The following SCFD2 variants were observed in gnomAD, a reference collection of about 807,000 sequenced individuals.
SCFD2 encodes sec1 family domain-containing protein 2.
Under a neutral mutation model 58.9 loss-of-function variants are expected in SCFD2, and 54 were observed. The observed-to-expected ratio is 0.92, with a 90% CI of 0.74 to 1.15. SCFD2 has a LOEUF of 1.15. Among genes scored for constraint, SCFD2 ranks in the 50% most tolerant of loss-of-function variants. SCFD2 has a pLI of 0.00. For synonymous variants in SCFD2, 321 were observed against 335.9 expected, an observed-to-expected ratio of 0.96 and a Z score of 0.49; for missense variants, 805 against 836.6, an observed-to-expected ratio of 0.96 and a Z score of 0.47.
intron 5 of SCFD2, among the ~76,000 whole-genome samples, chr4:52,969,580 T>C (rs900486633): frequency 1.3e-5 from 2 of 152,164 alleles, no homozygotes; most frequent in African/African-American, 4.8e-5. Flanking sequence ...GCTGGGGTGA[T>C]GGGTGTTACT....
At chr4:53,024,931 A>G (rs757288605) in intron 5 of SCFD2, among the ~76,000 whole-genome samples, 124 of 152,266 alleles carry the variant, frequency 8.1e-4, no homozygotes, top group Non-Finnish European at 1.5e-3. Flanking sequence ...CTCCCCCTAG[A>G]ATATTAGCTT....
At chr4:52,897,784 C>G (rs1348644162) in intron 7 of SCFD2, among the ~76,000 whole-genome samples, 3 of 152,192 alleles carry the variant, frequency 2.0e-5, no homozygotes, top group Non-Finnish European at 2.9e-5. Context: ...CCATCTGGTC[C>G]TGGACTTTTT....
chr4:52,898,903 T>C (rs555594975), intron 7 of SCFD2, among the ~76,000 whole-genome samples: 2 of 152,226 alleles, frequency 1.3e-5, no homozygotes, highest in South Asian at 2.1e-4. Flanking sequence ...TTTACCACTA[T>C]GTAATGGCCT....
chr4:53,353,626 G>A (rs922629093), intron 1 of SCFD2, among the ~76,000 whole-genome samples: 1 of 152,176 alleles, frequency 6.6e-6, no homozygotes, highest in African/African-American at 2.4e-5. Flanking sequence ...GTGCTGATTG[G>A]TGCATTTACA....
At chr4:52,981,220 T>C (rs924124801) in intron 5 of SCFD2, among the ~76,000 whole-genome samples, 1 of 152,148 alleles carries the variant, frequency 6.6e-6, no homozygotes, top group Non-Finnish European at 1.5e-5. Flanking sequence ...TAATAAAGGA[T>C]GGTTAGAATG....
chr4:53,342,871 C>A (rs1042627808), intron 2 of SCFD2, among the ~76,000 whole-genome samples: 1 of 152,100 alleles, frequency 6.6e-6, no homozygotes, highest in Non-Finnish European at 1.5e-5. Flanking sequence ...GGGTACATAA[C>A]GAAATGAAGG....
intron 3 of SCFD2, among the ~76,000 whole-genome samples, chr4:53,290,062 A>C (rs1731790428): frequency 6.6e-6 from 1 of 152,200 alleles, no homozygotes; most frequent in African/African-American, 2.4e-5. Context: ...ACAATGGGTA[A>C]GTCAACCACA....
intron 4 of SCFD2, among the ~76,000 whole-genome samples, chr4:53,147,963 G>C (rs977393165): frequency 1.3e-5 from 2 of 152,156 alleles, no homozygotes; most frequent in East Asian, 1.9e-4. Flanking sequence ...TAATTTAAAA[G>C]AAAAGAGTCC....
chr4:53,149,582 C>T (rs1402805317), intron 4 of SCFD2, among the ~76,000 whole-genome samples: 1 of 152,058 alleles, frequency 6.6e-6, no homozygotes, highest in African/African-American at 2.4e-5. Flanking sequence ...TCTCCCTATC[C>T]CTTGAATATG....
At chr4:53,084,980 A>G (rs1724263379) in intron 5 of SCFD2, among the ~76,000 whole-genome samples, 2 of 152,232 alleles carry the variant, frequency 1.3e-5, no homozygotes, top group Admixed American at 1.3e-4. Flanking sequence ...CTGGAACACA[A>G]CAAGGATATC....
At chr4:53,316,963 C>T (rs1258866367) in intron 2 of SCFD2, among the ~76,000 whole-genome samples, 5 of 151,746 alleles carry the variant, frequency 3.3e-5, no homozygotes, top group East Asian at 1.9e-4. Flanking sequence ...AGAAATTAAC[C>T]GGGAGTGGTG....
intron 5 of SCFD2, among the ~76,000 whole-genome samples, chr4:53,094,954 C>T (rs1724575224): frequency 6.6e-6 from 1 of 152,128 alleles, no homozygotes; most frequent in Non-Finnish European, 1.5e-5. Context: ...CAGTCCTCAC[C>T]TTAACTTGTC....
chr4:53,328,314 A>C (rs769286060), intron 2 of SCFD2, among the ~76,000 whole-genome samples: 2 of 152,128 alleles, frequency 1.3e-5, no homozygotes, highest in East Asian at 1.9e-4. Context: ...TTGGTTTCTA[A>C]ATACAATTCT....
At chr4:53,228,084 A>C (rs890822712) in intron 4 of SCFD2, among the ~76,000 whole-genome samples, 1 of 152,140 alleles carries the variant, frequency 6.6e-6, no homozygotes, top group African/African-American at 2.4e-5. Flanking sequence ...TCCTCTGTAA[A>C]ACAGGAACAA....
chr4:53,203,256 A>G (rs1728306980), intron 4 of SCFD2, among the ~76,000 whole-genome samples: 1 of 152,142 alleles, frequency 6.6e-6, no homozygotes, highest in Non-Finnish European at 1.5e-5. Context: ...AATTTTGTCA[A>G]AGGCCTTTTC....
chr4:53,153,193 C>T (rs1283785046), intron 4 of SCFD2, among the ~76,000 whole-genome samples: 2 of 152,230 alleles, frequency 1.3e-5, no homozygotes, highest in South Asian at 2.1e-4. Flanking sequence ...CACATTTCCC[C>T]TCCACACTGC....
At chr4:52,963,756 T>G (rs1720902282) in intron 5 of SCFD2, among the ~76,000 whole-genome samples, 2 of 152,160 alleles carry the variant, frequency 1.3e-5, no homozygotes, top group Admixed American at 1.3e-4. Context: ...CCTACATCTT[T>G]CTCTCAGCCT....
intron 4 of SCFD2, among the ~76,000 whole-genome samples, chr4:53,167,277 C>A (rs1248400313): frequency 6.6e-6 from 1 of 152,188 alleles, no homozygotes; most frequent in Non-Finnish European, 1.5e-5. Context: ...TAGCCTACCA[C>A]CTTACAATGA....
At chr4:53,239,503 A>G (rs1378049410) in intron 4 of SCFD2, among the ~76,000 whole-genome samples, 1 of 152,072 alleles carries the variant, frequency 6.6e-6, no homozygotes, top group African/African-American at 2.4e-5. Context: ...TGTTTTAATA[A>G]GACGGAGTTT....
Sources: gnomAD v4.1 joint callset for allele counts (sites outside exome capture counted in the v4.1 genomes callset) on GRCh38, gnomAD v4.1.1 for gene constraint, MANE v1.5 for transcripts, NCBI Gene and HGNC (gene_info 2026-07-23, HGNC 2026-07-21) for gene names.